COL28A1: variants seen among roughly 807,000 people sequenced by gnomAD.
COL28A1 encodes collagen alpha-1(XXVIII) chain.
A neutral mutation model predicts 150.2 loss-of-function variants in COL28A1; 161 were observed. That is an observed-to-expected ratio of 1.07 (90% CI 0.94 to 1.22). The LOEUF is 1.22. Among genes scored for constraint, COL28A1 ranks in the 50% most tolerant of loss-of-function variants. The pLI, the probability that COL28A1 is intolerant of heterozygous loss-of-function variation, is 0.00. For missense variants in COL28A1, 1,617 were observed against 1,388.3 expected (o/e 1.16, Z -2.62); for synonymous variants, 552 against 469.7 (o/e 1.18, Z -2.26).
chr7:7,419,389 A>G (rs929962071), intron 26 of COL28A1, among the ~76,000 whole-genome samples: 1 of 152,208 alleles, frequency 6.6e-6, no homozygotes, highest in African/African-American at 2.4e-5. Context: ...AAAGAATAAA[A>G]GGATGAATAA....
At chr7:7,388,289 T>C (rs142291618) in intron 27 of COL28A1, among the ~76,000 whole-genome samples, 2,900 of 152,256 alleles carry the variant, frequency 0.019, 89 homozygotes, top group African/African-American at 0.065. Context: ...TATGTTAGTT[T>C]GCTAAGAATG....
intron 3 of COL28A1, among the ~76,000 whole-genome samples, chr7:7,528,785 T>C (rs893493801): frequency 6.6e-6 from 1 of 152,166 alleles, no homozygotes; most frequent in African/African-American, 2.4e-5. Flanking sequence ...ATGGAAATGT[T>C]CTCTATCCTA....
intron 25 of COL28A1, among the ~76,000 whole-genome samples, chr7:7,427,149 T>C (rs1784688141): frequency 6.6e-6 from 1 of 152,202 alleles, no homozygotes; most frequent in South Asian, 2.1e-4. Context: ...TGAGGTGGAC[T>C]ACTAGAGTGC....
intron 10 of COL28A1, among the ~76,000 whole-genome samples, 167 bp from the exon 11 acceptor site, chr7:7,506,234 G>C (rs1780802797): frequency 6.6e-6 from 1 of 152,180 alleles, no homozygotes; most frequent in African/African-American, 2.4e-5. Context: ...AAAATTTCTT[G>C]TGTCAAATAC....
intron 30 of COL28A1, among the ~76,000 whole-genome samples, chr7:7,378,859 C>G (rs761186956): frequency 6.6e-6 from 1 of 152,098 alleles, no homozygotes; most frequent in Non-Finnish European, 1.5e-5. Context: ...AGCCTGTCAC[C>G]GTCTTCTTGT....
At chr7:7,499,792 A>C (rs1780423143) in intron 11 of COL28A1, among the ~76,000 whole-genome samples, 1 of 152,210 alleles carries the variant, frequency 6.6e-6, no homozygotes, top group Non-Finnish European at 1.5e-5. Flanking sequence ...TATGTTTAGT[A>C]GGTTGACCTA....
At chr7:7,473,556 A>T (rs937156102) in intron 15 of COL28A1, among the ~76,000 whole-genome samples, 14 of 152,286 alleles carry the variant, frequency 9.2e-5, no homozygotes, top group African/African-American at 3.1e-4. Context: ...GCACGGATGC[A>T]GTGAACAGGG....
intron 16 of COL28A1, among the ~76,000 whole-genome samples, chr7:7,454,644 T>A (rs1356858762): frequency 6.6e-6 from 1 of 152,144 alleles, no homozygotes; most frequent in Non-Finnish European, 1.5e-5. Flanking sequence ...AGGTCCAGAA[T>A]TCACAGGCCA....
At chr7:7,520,212 GGAGAATTGTA>G (rs954723184) in intron 5 of COL28A1, 97 bp from the exon 6 acceptor site, 1 of 626,742 alleles carries the variant, frequency 1.6e-6, no homozygotes, top group African/African-American at 1.9e-5. Context: ...CTAGAATGAG[GGAGAATTGTA>G]AAACCTTTAC....
chr7:7,514,006 T>G (rs1482205702), intron 8 of COL28A1, among the ~76,000 whole-genome samples: 2 of 152,232 alleles, frequency 1.3e-5, no homozygotes, highest in Non-Finnish European at 2.9e-5. Context: ...AATTCTGGTT[T>G]GAATGTCGAT....
chr7:7,383,305 G>T (rs1781987714), intron 27 of COL28A1, among the ~76,000 whole-genome samples: 1 of 146,554 alleles, frequency 6.8e-6, no homozygotes, highest in East Asian at 2.1e-4. Context: ...TTGAGACAGA[G>T]TCTCACTCTG....
intron 27 of COL28A1, among the ~76,000 whole-genome samples, chr7:7,407,270 G>A (rs1024116467): frequency 6.6e-6 from 1 of 152,010 alleles, no homozygotes; most frequent in African/African-American, 2.4e-5. Flanking sequence ...GACTAGGTCA[G>A]AAGCAATCTT....
chr7:7,360,181 C>T lies in COL28A1; in HGVS notation c.3205+209G>A, dbSNP rs112530606. Among the ~76,000 whole-genome samples, 447 of 151,614 alleles carry T rather than the reference C, an allele frequency of 2.9e-3. 6 individuals carry two copies. Among genetic ancestry groups the T allele is most frequent in the African/African-American group, 0.01 (427 of 40,956 alleles). On this transcript the variant is annotated intron_variant, in intron 34 of 34. Transcript: ENST00000399429. ...AATTCTTCATAGACCAAATTTACTC[C>T]ACAGTTTTCAAATTCTACATATAGT...
At chr7:7,486,302 C>G (rs77630424) in intron 13 of COL28A1, among the ~76,000 whole-genome samples, 15,319 of 152,092 alleles carry the variant, frequency 0.1, 923 homozygotes, top group Middle Eastern at 0.21. Flanking sequence ...TACCCTGTGA[C>G]CTTGCTGAAC....
intron 9 of COL28A1, 111 bp downstream of exon 9, chr7:7,510,980 A>T: frequency 1.2e-6 from 1 of 822,196 alleles, no homozygotes; most frequent in Non-Finnish European, 2.0e-6. Context: ...TGAGCCATTG[A>T]TTCCAACTCT....
intron 28 of COL28A1, 48 bp downstream of exon 28, chr7:7,381,496 A>G (rs754709749): frequency 7.4e-7 from 1 of 1,354,882 alleles, no homozygotes; most frequent in Non-Finnish European, 1.1e-6. Context: ...AAGTTAAGCT[A>G]TTGCGATCCT....
chr7:7,456,347 T>C (rs1787168159), intron 15 of COL28A1, among the ~76,000 whole-genome samples: 1 of 152,208 alleles, frequency 6.6e-6, no homozygotes, highest in African/African-American at 2.4e-5. Context: ...TGTATAGGCT[T>C]ATATTTATCA....
the COL28A1 span, among the ~76,000 whole-genome samples, chr7:7,347,600 T>C: frequency 6.6e-6 from 1 of 152,084 alleles, no homozygotes; most frequent in East Asian, 1.9e-4. Context: ...TAAATACCAC[T>C]GGAGCAAAAC....
intron 25 of COL28A1, among the ~76,000 whole-genome samples, chr7:7,422,358 CAG>C (rs1220183158): frequency 6.6e-6 from 1 of 152,176 alleles, no homozygotes; most frequent in Non-Finnish European, 1.5e-5. Flanking sequence ...AGGTTGGGCG[CAG>C]TGGCTTACAC....
Sources: allele counts gnomAD v4.1 joint callset (sites outside exome capture counted in the v4.1 genomes callset), GRCh38; gene constraint gnomAD v4.1.1; transcripts MANE v1.5; gene names NCBI Gene and HGNC (gene_info 2026-07-23, HGNC 2026-07-21).